Variants in SLIT2 observed in about 807,000 individuals in gnomAD.
SLIT2 encodes the protein slit homolog 2 protein.
Under a neutral mutation model 185.7 loss-of-function variants are expected in SLIT2, and 41 were observed. That is an observed-to-expected ratio of 0.22 (90% confidence interval 0.17 to 0.29). The LOEUF (loss-of-function observed/expected upper bound fraction) is 0.29. SLIT2 is among the 10% of genes least tolerant of loss of function. The pLI is 1.00. For missense variants in SLIT2, 1,571 were observed against 1,909.0 expected (o/e 0.82, Z 3.30); for synonymous variants, 693 against 680.2 (o/e 1.02, Z -0.29).
intron 4 of SLIT2, among the ~76,000 whole-genome samples, chr4:20,272,708 A>G (rs1156953361): frequency 1.3e-5 from 2 of 152,162 alleles, no homozygotes; most frequent in African/African-American, 4.8e-5. Flanking sequence ...TTAAGTATCC[A>G]AAGCACTTTT....
chr4:20,344,390 C>A (rs1411493108), intron 4 of SLIT2, among the ~76,000 whole-genome samples: 1 of 152,112 alleles, frequency 6.6e-6, no homozygotes, highest in Non-Finnish European at 1.5e-5. Context: ...AGGTATTATA[C>A]ACGATTTCAT....
In SLIT2 at chr4:20,402,440, C is replaced by A. The variant is rs187857464; in HGVS notation, c.396-65312C>A. On this transcript the variant is annotated intron_variant, in intron 4 of 36. Coordinates refer to ENST00000504154, the MANE Select transcript of SLIT2 (RefSeq NM_004787.4). The stretch of plus-strand genomic sequence containing the variant: ...ATGAATTCATCGCTTATTTAAAAAA[C>A]CAGCTCTTGAAAATTTCATGTTTGT... Among the ~76,000 whole-genome samples the A allele has an allele frequency of 5.9e-5, 9 of 151,948 alleles. No individual in the cohort carries two copies. In the East Asian group the frequency reaches 1.7e-3, roughly 29 times the overall value.
intron 33 of SLIT2, among the ~76,000 whole-genome samples, chr4:20,608,124 G>GTCAC (rs1050546476): frequency 2.0e-5 from 3 of 152,008 alleles, no homozygotes; most frequent in Admixed American, 2.0e-4. Flanking sequence ...TGATAGTGAT[G>GTCAC]GTGATACTAA....
intron 4 of SLIT2, among the ~76,000 whole-genome samples, chr4:20,388,975 AAT>A (rs1279740193): frequency 6.9e-6 from 1 of 145,416 alleles, no homozygotes; most frequent in Non-Finnish European, 1.5e-5. Flanking sequence ...TATATGTCAA[AAT>A]ATATATATGT....
chr4:20,576,438 T>C (rs1419898904), intron 29 of SLIT2, among the ~76,000 whole-genome samples: 1 of 152,218 alleles, frequency 6.6e-6, no homozygotes, highest in African/African-American at 2.4e-5. Context: ...AAATACACAA[T>C]GCTGAAGAGC....
intron 25 of SLIT2, 106 bp downstream of exon 25, chr4:20,551,004 T>G: frequency 1.7e-6 from 1 of 589,782 alleles, no homozygotes; most frequent in Non-Finnish European, 3.0e-6. Flanking sequence ...TAAGATGTAA[T>G]TGGTTTCATC....
rs144974513 is a variant in SLIT2, at chr4:20,380,278, A to G, written c.396-87474A>G. ...TATAAGCATTTCTCAAAATGAATAA[A>G]CAAATCCAAATTGCTTAGCTATATC... On this transcript the variant is annotated intron_variant, in intron 4 of 36. Coordinates refer to ENST00000504154, the MANE Select transcript of SLIT2 (RefSeq NM_004787.4). Among the ~76,000 whole-genome samples the G allele has an allele frequency of 6.4e-3, 967 of 152,278 alleles. 16 individuals are homozygous for G. Among genetic ancestry groups the G allele is most frequent in the African/African-American group, 0.022 (916 of 41,562 alleles).
intron 4 of SLIT2, among the ~76,000 whole-genome samples, chr4:20,461,995 G>T (rs895830730): frequency 5.3e-5 from 8 of 152,086 alleles, no homozygotes; most frequent in Non-Finnish European, 7.4e-5. Context: ...GGACACTGCT[G>T]GGGTGGTTTT....
At chr4:20,299,918 A>G (rs1246894349) in intron 4 of SLIT2, among the ~76,000 whole-genome samples, 1 of 152,034 alleles carries the variant, frequency 6.6e-6, no homozygotes, top group Non-Finnish European at 1.5e-5. Context: ...ATCTATTGAG[A>G]TAATGCCTAG....
chr4:20,256,199 C>T (rs1435402809), intron 1 of SLIT2, among the ~76,000 whole-genome samples: 1 of 151,954 alleles, frequency 6.6e-6, no homozygotes, highest in Non-Finnish European at 1.5e-5. Context: ...TTTTTCTGTG[C>T]CTTAGGAAGT....
chr4:20,328,343 A>G (rs1719767143), intron 4 of SLIT2, among the ~76,000 whole-genome samples: 1 of 152,070 alleles, frequency 6.6e-6, no homozygotes, highest in African/African-American at 2.4e-5. Flanking sequence ...CTTTCATTGC[A>G]AGTTGAATAA....
At chr4:20,354,217 CT>C (rs201437147) in intron 4 of SLIT2, among the ~76,000 whole-genome samples, 115 of 143,942 alleles carry the variant, frequency 8.0e-4, no homozygotes, top group Middle Eastern at 3.5e-3. Flanking sequence ...GGTTTTTTTT[CT>C]TTTTTTTTTT....
intron 19 of SLIT2, among the ~76,000 whole-genome samples, chr4:20,541,236 G>A (rs1485866721): frequency 6.6e-6 from 1 of 151,976 alleles, no homozygotes; most frequent in Non-Finnish European, 1.5e-5. Context: ...TTATGTAAAA[G>A]TGTTGTTACT....
intron 4 of SLIT2, among the ~76,000 whole-genome samples, chr4:20,380,703 A>T (rs1349072129): frequency 6.6e-6 from 1 of 152,124 alleles, no homozygotes; most frequent in Non-Finnish European, 1.5e-5. Context: ...AAGACATTAC[A>T]CTAGAAAATA....
intron 5 of SLIT2, among the ~76,000 whole-genome samples, chr4:20,475,555 G>A (rs1716003828): frequency 6.6e-6 from 1 of 151,910 alleles, no homozygotes; most frequent in Admixed American, 6.6e-5. Context: ...CAGACTATTT[G>A]CTACATACCA....
intron 29 of SLIT2, among the ~76,000 whole-genome samples, chr4:20,577,601 T>A (rs1577959270): frequency 6.6e-6 from 1 of 152,174 alleles, no homozygotes; most frequent in Admixed American, 6.5e-5. Context: ...CCTGCCTGGT[T>A]TAGCAAAAGA....
intron 4 of SLIT2, among the ~76,000 whole-genome samples, chr4:20,385,485 A>G (rs1724865127): frequency 6.6e-6 from 1 of 152,132 alleles, no homozygotes. Flanking sequence ...GGCCAAGTTC[A>G]GAGAGCTTGG....
At chr4:20,335,013 A>G (rs978529486) in intron 4 of SLIT2, among the ~76,000 whole-genome samples, 7 of 152,188 alleles carry the variant, frequency 4.6e-5, no homozygotes, top group Non-Finnish European at 1.0e-4. Context: ...AATAAATTAA[A>G]TACTAGAACT....
chr4:20,471,848 G>C (rs1278367923), intron 5 of SLIT2, among the ~76,000 whole-genome samples: 1 of 152,100 alleles, frequency 6.6e-6, no homozygotes, highest in African/African-American at 2.4e-5. Context: ...CAGTTATCTT[G>C]CTCTTAAACA....
Sources: gnomAD v4.1 joint callset for allele counts (sites outside exome capture counted in the v4.1 genomes callset) on GRCh38, gnomAD v4.1.1 for gene constraint, MANE v1.5 for transcripts, NCBI Gene and HGNC (gene_info 2026-07-23, HGNC 2026-07-21) for gene names.